IQCH: variants seen among roughly 807,000 people sequenced by gnomAD.
IQCH encodes IQ motif containing H.
Under a neutral mutation model 117.0 loss-of-function variants are expected in IQCH, and 98 were observed. The observed-to-expected ratio is 0.84, with a 90% CI of 0.71 to 0.99. IQCH has a LOEUF of 0.99. IQCH is among the 50% of genes least tolerant of loss of function. The probability of loss-of-function intolerance (pLI) is 0.00; values close to 1 mark genes in which losing one functional copy is unlikely to be tolerated. For synonymous variants in IQCH, 412 were observed against 448.2 expected (o/e 0.92, Z 1.02); for missense variants, 1,102 against 1,243.8 (o/e 0.89, Z 1.72).
intron 6 of IQCH, among the ~76,000 whole-genome samples, chr15:67,355,189 T>C (rs1248843058): frequency 6.6e-6 from 1 of 152,192 alleles, no homozygotes; most frequent in East Asian, 1.9e-4. Context: ...TTATTTATTG[T>C]TTATCTTAAG....
intron 3 of IQCH, among the ~76,000 whole-genome samples, chr15:67,276,420 G>A (rs972426836): frequency 2.8e-4 from 43 of 152,198 alleles, no homozygotes; most frequent in African/African-American, 9.9e-4. Context: ...CAGCATGGTG[G>A]TGAGTTTCCT....
chr15:67,336,564 T>C (rs886709688), intron 4 of IQCH, among the ~76,000 whole-genome samples: 1 of 152,180 alleles, frequency 6.6e-6, no homozygotes, highest in African/African-American at 2.4e-5. Flanking sequence ...TTTTAAGTCT[T>C]CCAGGTTTTT....
intron 4 of IQCH, among the ~76,000 whole-genome samples, chr15:67,287,790 G>A (rs1966616012): frequency 1.3e-5 from 2 of 151,608 alleles, no homozygotes; most frequent in Admixed American, 1.3e-4. Context: ...TTTGGGTTTG[G>A]TTTTCTCTTG....
rs1284457157 is a variant in IQCH, at chr15:67,387,519, G to C, written c.1457-1312G>C. Among the ~76,000 whole-genome samples the C allele has an allele frequency of 6.6e-6, 1 of 152,098 alleles. No homozygotes were observed. Among genetic ancestry groups the C allele is most frequent in the Non-Finnish European group, 1.5e-5 (1 of 68,020 alleles). On this transcript the variant is annotated intron_variant, in intron 11 of 20. Coordinates refer to ENST00000335894, the MANE Select transcript of IQCH (RefSeq NM_001031715.3). The surrounding 1 kb of genome is among the most constrained non-coding windows in gnomAD (Gnocchi z 4.8). The stretch of plus-strand genomic sequence containing the variant: ...TTGGAAAGACAAGATTAATAGATTG[G>C]AAACAATAGGATAGAACCACAGAGA...
At chr15:67,279,543 A>C (rs974452730) in intron 4 of IQCH, 31 bp downstream of exon 4, 1 of 1,312,150 alleles carries the variant, frequency 7.6e-7, no homozygotes, top group African/African-American at 1.5e-5. Context: ...AGAGACAGAA[A>C]GTAGTTTAGT....
In IQCH at chr15:67,369,272, A is replaced by G. The variant is rs1176951192; in HGVS notation, c.754-2839A>G. 6.6e-6 allele frequency among the ~76,000 whole-genome samples: 1 copy of G among 152,210 alleles called. No homozygotes were observed. Among genetic ancestry groups the G allele is most frequent in the Non-Finnish European group, 1.5e-5 (1 of 68,044 alleles). On this transcript the variant is annotated intron_variant, in intron 8 of 20. Coordinates refer to ENST00000335894, the MANE Select transcript of IQCH (RefSeq NM_001031715.3). This position sits in a 1 kb window ranked among gnomAD's most constrained non-coding sequence, Gnocchi z 5.2. ...GCTAATTAGTTAGAGCAAGATGCTA[A>G]TAATTAGGCCACAGGTTTGGGCTTC...
intron 10 of IQCH, among the ~76,000 whole-genome samples, chr15:67,379,457 A>G (rs1223186996): frequency 6.6e-6 from 1 of 152,182 alleles, no homozygotes; most frequent in Non-Finnish European, 1.5e-5. Flanking sequence ...AATAGTTTTT[A>G]CCTTGCAGAC....
intron 4 of IQCH, among the ~76,000 whole-genome samples, chr15:67,298,485 T>C (rs528606548): frequency 3.2e-4 from 48 of 152,186 alleles, no homozygotes; most frequent in African/African-American, 1.1e-3. Context: ...CTGGCAAGTA[T>C]GTGGAGAAAA....
At chr15:67,307,276 C>G in intron 4 of IQCH, 1 of 594,410 alleles carries the variant, frequency 1.7e-6, no homozygotes, top group Middle Eastern at 8.4e-4. Flanking sequence ...ATTATGATTT[C>G]TAGATTTTAT....
At chr15:67,340,230 C>T (rs1046671801) in intron 5 of IQCH, among the ~76,000 whole-genome samples, 33 of 151,846 alleles carry the variant, frequency 2.2e-4, no homozygotes, top group African/African-American at 7.3e-4. Context: ...GAGTTCAAAA[C>T]CAGCCTGGCC....
At chr15:67,343,114 A>T (rs749443866) in intron 5 of IQCH, among the ~76,000 whole-genome samples, 7 of 152,194 alleles carry the variant, frequency 4.6e-5, no homozygotes, top group Admixed American at 2.0e-4. Flanking sequence ...TATAGTATAG[A>T]GGTCATAAGG....
chr15:67,374,233 A>C (rs998572566), intron 10 of IQCH: 6 of 152,220 alleles, frequency 3.9e-5, no homozygotes, highest in Non-Finnish European at 8.8e-5. Flanking sequence ...TAGTGTGTTA[A>C]ATTTCCTTGG....
In IQCH at chr15:67,494,268, G is replaced by A. The variant is rs758602772; in HGVS notation, c.2872G>A (p.Glu958Lys). Residue 958 changes from glutamate to lysine, a missense_variant, in exon 20 of 21, where the codon GAG becomes AAG. By Grantham distance (56) the Glu-to-Lys change is moderately conservative (BLOSUM62 1). Coordinates refer to ENST00000335894, the MANE Select transcript of IQCH (RefSeq NM_001031715.3). This position sits in a 1 kb window ranked among gnomAD's most constrained non-coding sequence, Gnocchi z 5.5. ...RHKLGMLTIG[E>K]DLQGVLMTFA... ...GGATATCATTAACAGAACAATCGGC[G>A]AGGATCTCCAGGGGGTCCTCATGAC... 1.4e-5 allele frequency: 23 copies of A among 1,607,920 alleles called. No homozygotes were observed. The highest frequency in any genetic ancestry group is 1.9e-5 in the Non-Finnish European group (22 of 1,178,398).
At chr15:67,262,294 A>C (rs1412220420) in intron 2 of IQCH, among the ~76,000 whole-genome samples, 2 of 152,180 alleles carry the variant, frequency 1.3e-5, no homozygotes, top group Non-Finnish European at 2.9e-5. Flanking sequence ...GACCAGGATA[A>C]TATTCATTTA....
At position 67,426,002 on chromosome 15, in the gene IQCH, G is replaced by A. The variant is rs1596352360; in HGVS notation, c.2505+4425G>A. Among the ~76,000 whole-genome samples the A allele has an allele frequency of 6.6e-6, 1 of 152,344 alleles. No homozygotes were observed. Among genetic ancestry groups the A allele is most frequent in the East Asian group, 1.9e-4 (1 of 5,184 alleles). ...TGGCCAGTGAGAGACCCTTCAGGGTGTGTCTTGTGTCCTTTTGACATGTCC... is the reference window on the plus strand; with the variant it reads ...TGGCCAGTGAGAGACCCTTCAGGGTATGTCTTGTGTCCTTTTGACATGTCC... On this transcript the variant is annotated intron_variant, in intron 16 of 20. Coordinates refer to ENST00000335894, the MANE Select transcript of IQCH (RefSeq NM_001031715.3). This position sits in a 1 kb window ranked among gnomAD's most constrained non-coding sequence, Gnocchi z 5.1.
intron 16 of IQCH, among the ~76,000 whole-genome samples, chr15:67,437,353 G>A (rs1285181235): frequency 2.6e-5 from 4 of 152,202 alleles, no homozygotes; most frequent in Non-Finnish European, 5.9e-5. Flanking sequence ...CATAGGAAAA[G>A]GGGGAGAGTA....
chr15:67,380,716 C>G (rs950814388), intron 10 of IQCH, among the ~76,000 whole-genome samples: 4 of 152,196 alleles, frequency 2.6e-5, no homozygotes, highest in Non-Finnish European at 4.4e-5. Flanking sequence ...CACCTTTCTT[C>G]CAGTGTGCTC....
chr15:67,333,390 C>T (rs1481093122), intron 4 of IQCH, among the ~76,000 whole-genome samples: 1 of 152,146 alleles, frequency 6.6e-6, no homozygotes, highest in Non-Finnish European at 1.5e-5. Context: ...TCAGAGAAAT[C>T]TTGTGGTAAA....
chr15:67,375,821 C>T (rs1970717614), intron 10 of IQCH, among the ~76,000 whole-genome samples: 2 of 128,578 alleles, frequency 1.6e-5, no homozygotes, highest in African/African-American at 2.9e-5. Flanking sequence ...GAGTCTCACT[C>T]TGTCACCCAG....
Sources: allele counts gnomAD v4.1 joint callset (sites outside exome capture counted in the v4.1 genomes callset), GRCh38; gene constraint gnomAD v4.1.1; non-coding constraint Gnocchi (gnomAD v3.1); transcripts MANE v1.5; gene names NCBI Gene and HGNC (gene_info 2026-07-23, HGNC 2026-07-21).